PBX1: variants seen among roughly 807,000 people sequenced by gnomAD.
PBX1 encodes the protein PBX homeobox 1.
Under a neutral mutation model 53.4 loss-of-function variants are expected in PBX1, and 6 were observed. The ratio of observed to expected loss-of-function variants is 0.11; its 90% CI spans 0.06 to 0.22. The LOEUF is 0.22. Ranked by LOEUF, PBX1 falls within the 10% of genes least tolerant of loss-of-function variation. The pLI is 1.00. For missense variants in PBX1, 251 were observed against 551.4 expected, an observed-to-expected ratio of 0.46 and a Z score of 5.46; for synonymous variants, 204 against 212.3, an observed-to-expected ratio of 0.96 and a Z score of 0.34.
At chr1:164,578,151 G>A (rs746206336) in intron 2 of PBX1, among the ~76,000 whole-genome samples, 2 of 152,104 alleles carry the variant, frequency 1.3e-5, no homozygotes, top group African/African-American at 2.4e-5. Flanking sequence ...TTGGGTATAA[G>A]TATGCAAAGA....
chr1:164,670,975 C>A (rs917806860), intron 2 of PBX1, among the ~76,000 whole-genome samples: 1 of 152,160 alleles, frequency 6.6e-6, no homozygotes, highest in Non-Finnish European at 1.5e-5. Flanking sequence ...AGTCTTCTTC[C>A]CTATCAGCCA....
chr1:164,658,255 C>T (rs1440579648), intron 2 of PBX1, among the ~76,000 whole-genome samples: 1 of 152,022 alleles, frequency 6.6e-6, no homozygotes, highest in Admixed American at 6.6e-5. Context: ...CTGTTTAGCT[C>T]AATTGTAAAA....
chr1:164,631,374 A>G (rs1571107819), intron 2 of PBX1, among the ~76,000 whole-genome samples: 4 of 152,214 alleles, frequency 2.6e-5, no homozygotes, highest in Admixed American at 2.6e-4. Context: ...TCAGAAAACA[A>G]GGCTCTCAGA....
At chr1:164,753,590 A>C (rs1666339280) in intron 2 of PBX1, among the ~76,000 whole-genome samples, 1 of 152,204 alleles carries the variant, frequency 6.6e-6, no homozygotes, top group South Asian at 2.1e-4. Context: ...GCAAGACCAC[A>C]CTTGACTTCG....
intron 2 of PBX1, among the ~76,000 whole-genome samples, chr1:164,747,519 A>G (rs1248760355): frequency 6.6e-6 from 1 of 152,156 alleles, no homozygotes; most frequent in Non-Finnish European, 1.5e-5. Flanking sequence ...TTAGGTTAGA[A>G]CAGCCATTGA....
chr1:164,828,271 C>CGTGT (rs576407322), intron 8 of PBX1, among the ~76,000 whole-genome samples: 2,788 of 149,768 alleles, frequency 0.019, 84 homozygotes, highest in African/African-American at 0.065. Flanking sequence ...TTTGTGTATG[C>CGTGT]GTGTGTGTGT....
intron 2 of PBX1, among the ~76,000 whole-genome samples, chr1:164,603,928 CATTTTTTT>C (rs1172711749): frequency 0.088 from 4,284 of 48,566 alleles, 118 homozygotes; most frequent in Non-Finnish European, 0.11. Flanking sequence ...TATGTCATTT[CATTTTTTT>C]TTTTTTTTTT....
At chr1:164,596,199 A>G (rs1476148426) in intron 2 of PBX1, among the ~76,000 whole-genome samples, 1 of 152,020 alleles carries the variant, frequency 6.6e-6, no homozygotes, top group East Asian at 1.9e-4. Context: ...TTTTCTGTGC[A>G]GAAAGGTTAC....
chr1:164,765,910 C>T (rs1218902155), intron 2 of PBX1, among the ~76,000 whole-genome samples: 1 of 152,160 alleles, frequency 6.6e-6, no homozygotes, highest in Non-Finnish European at 1.5e-5. Context: ...TCCTCACTGA[C>T]TCTGCTAACC....
intron 2 of PBX1, among the ~76,000 whole-genome samples, chr1:164,709,056 A>G (rs770322121): frequency 2.0e-5 from 3 of 152,196 alleles, no homozygotes; most frequent in Admixed American, 6.5e-5. Flanking sequence ...CAGTGGTGCC[A>G]TAGATACTCT....
At chr1:164,801,894 C>T (rs1178888631) in intron 4 of PBX1, among the ~76,000 whole-genome samples, 1 of 152,214 alleles carries the variant, frequency 6.6e-6, no homozygotes, top group Non-Finnish European at 1.5e-5. Flanking sequence ...AAACAAATGT[C>T]TGCCAGACAT....
At chr1:164,661,658 C>T (rs1353724403) in intron 2 of PBX1, among the ~76,000 whole-genome samples, 2 of 152,040 alleles carry the variant, frequency 1.3e-5, no homozygotes, top group Non-Finnish European at 2.9e-5. Context: ...AAACCCTGAC[C>T]TCAGGTGATC....
rs116207382 is a variant in PBX1 at position 164,805,571 on chromosome 1, G to A, written c.702-1971G>A. On this transcript the variant is annotated intron_variant, in intron 4 of 8. Coordinates refer to ENST00000420696, the MANE Select transcript of PBX1 (RefSeq NM_002585.4). ...CCAAAAAATACACAGTAATGCTAATGCAAACAACTGAATGAAGGAACGGAG... is the reference window on the plus strand; with the variant it reads ...CCAAAAAATACACAGTAATGCTAATACAAACAACTGAATGAAGGAACGGAG... Among the ~76,000 whole-genome samples, 1,003 of 152,294 alleles carry A rather than the reference G, an allele frequency of 6.6e-3. 10 individuals are homozygous for A. Among genetic ancestry groups the A allele is most frequent in the African/African-American group, 0.023 (965 of 41,554 alleles).
intron 2 of PBX1, among the ~76,000 whole-genome samples, chr1:164,750,365 C>T (rs1461021970): frequency 6.6e-6 from 1 of 152,136 alleles, no homozygotes; most frequent in African/African-American, 2.4e-5. Flanking sequence ...GATACGGCTA[C>T]TGTCAAAATA....
At chr1:164,803,947 T>C (rs911644682) in intron 4 of PBX1, among the ~76,000 whole-genome samples, 1 of 152,220 alleles carries the variant, frequency 6.6e-6, no homozygotes, top group Non-Finnish European at 1.5e-5. Context: ...AATATTAGTA[T>C]AGTATCTGGC....
rs112429615 is a variant in PBX1 at position 164,638,912 on chromosome 1, G to T, written c.265+75601G>T. On this transcript the variant is annotated intron_variant, in intron 2 of 8. Coordinates refer to ENST00000420696, the MANE Select transcript of PBX1 (RefSeq NM_002585.4). The stretch of plus-strand genomic sequence containing the variant: ...TAAGGAAGATATTATTTGGCAGCAA[G>T]AAAAAGGGAGTGTGCAGACTCCCCC... Among the ~76,000 whole-genome samples, 478 of 152,322 alleles carry T rather than the reference G, an allele frequency of 3.1e-3. 4 individuals carry two copies. The highest frequency in any genetic ancestry group is 0.011 in the African/African-American group (450 of 41,582).
intron 2 of PBX1, among the ~76,000 whole-genome samples, chr1:164,628,943 T>C (rs1300740645): frequency 6.6e-6 from 1 of 152,144 alleles, no homozygotes; most frequent in Non-Finnish European, 1.5e-5. Flanking sequence ...CATGTCCCTC[T>C]CAAGTACCTT....
At chr1:164,593,029 C>G (rs1207761430) in intron 2 of PBX1, among the ~76,000 whole-genome samples, 1 of 151,794 alleles carries the variant, frequency 6.6e-6, no homozygotes, top group Non-Finnish European at 1.5e-5. Context: ...GTGATCTTGG[C>G]TCACTGCAAC....
chr1:164,790,054 A>T lies in PBX1; in HGVS notation c.266-2440A>T, dbSNP rs147721621. 2.0e-3 allele frequency among the ~76,000 whole-genome samples: 307 copies of T among 152,150 alleles called. 1 individual carries two copies. Among genetic ancestry groups the T allele is most frequent in the African/African-American group, 7.3e-3 (302 of 41,510 alleles). ...TTATCATATAAAGAGAAACAACCAC[A>T]TAGAGGTGAAGGAGAGGCTGCTGGG... On this transcript the variant is annotated intron_variant, in intron 2 of 8. Coordinates refer to ENST00000420696, the MANE Select transcript of PBX1 (RefSeq NM_002585.4).
Sources: allele counts gnomAD v4.1 joint callset (sites outside exome capture counted in the v4.1 genomes callset), GRCh38; gene constraint gnomAD v4.1.1; transcripts MANE v1.5; gene names NCBI Gene and HGNC (gene_info 2026-07-23, HGNC 2026-07-21).